COA1: variants seen among roughly 807,000 people sequenced by gnomAD.
COA1 encodes the protein cytochrome c oxidase assembly factor 1, also known as cytochrome c oxidase assembly factor 1 homolog.
Under a neutral mutation model 16.0 loss-of-function variants are expected in COA1, and 13 were observed. That is an observed-to-expected ratio of 0.81 (90% CI 0.53 to 1.29). The LOEUF is 1.29. Ranked by LOEUF, COA1 falls within the 50% of genes most tolerant of loss-of-function variation. The pLI is 0.00. For synonymous variants in COA1, 65 were observed against 65.7 expected (o/e 0.99, Z 0.05); for missense variants, 179 against 177.0 (o/e 1.01, Z -0.06).
At chr7:43,691,786 C>T (rs1287714555) in intron 1 of COA1, among the ~76,000 whole-genome samples, 2 of 152,176 alleles carry the variant, frequency 1.3e-5, no homozygotes, top group African/African-American at 4.8e-5. Flanking sequence ...CCTAGGAAGG[C>T]TATTCTGAAA....
In COA1 at chr7:43,647,583, CGT is replaced by C; in HGVS notation, c.65_66del (p.His22ArgfsTer64). 6.2e-7 allele frequency: 1 copy of C among 1,614,058 alleles called. No individual in the cohort carries two copies. Among genetic ancestry groups the C allele is most frequent in the East Asian group, 2.2e-5 (1 of 44,890 alleles). On this transcript the variant is annotated frameshift_variant, in exon 3 of 6. Coordinates refer to ENST00000223336, the MANE Select transcript of COA1 (RefSeq NM_018224.4). LOFTEE classifies it high-confidence loss of function. Reference protein sequence around the residue: ...SMPLGARILFHGVFYAGGFAI... With the variant: ...SMPLGARILFXGVFYAGGFAI... ...GCAAAGCCCCCGGCATAGAACACAC[CGT>C]GGAAAAGGATCCTTGCTCCCAGAGG...
At chr7:43,705,431 G>C (rs1017041033) in intron 1 of COA1, among the ~76,000 whole-genome samples, 9 of 152,196 alleles carry the variant, frequency 5.9e-5, no homozygotes, top group Admixed American at 1.3e-4. Flanking sequence ...GGACAGATAC[G>C]GTCTTATGGC....
chr7:43,633,174 T>A (rs1244510342), intron 6 of COA1: 1 of 152,234 alleles, frequency 6.6e-6, no homozygotes, highest in East Asian at 1.9e-4. Context: ...GTGTAGCCAC[T>A]TTCATCGATG....
intron 1 of COA1, among the ~76,000 whole-genome samples, chr7:43,725,907 C>T (rs2095608008): frequency 6.6e-6 from 1 of 150,792 alleles, no homozygotes. Flanking sequence ...CTACTACTGC[C>T]TTTTAACCAA....
chr7:43,617,546 T>A (rs1409999198), intron 6 of COA1, among the ~76,000 whole-genome samples: 1 of 152,026 alleles, frequency 6.6e-6, no homozygotes, highest in Non-Finnish European at 1.5e-5. Flanking sequence ...TGAGGGATGA[T>A]CATAGCATTC....
chr7:43,630,310 T>C (rs1419985970), intron 6 of COA1, among the ~76,000 whole-genome samples: 3 of 152,212 alleles, frequency 2.0e-5, no homozygotes, highest in Non-Finnish European at 4.4e-5. Flanking sequence ...TCCTTGCCAT[T>C]TTTATTGAAA....
intron 6 of COA1, among the ~76,000 whole-genome samples, chr7:43,613,776 C>T (rs1045605381): frequency 1.3e-5 from 2 of 152,044 alleles, no homozygotes; most frequent in African/African-American, 4.8e-5. Flanking sequence ...CTCAGGAGTT[C>T]GAGGCTGCAG....
At position 43,722,914 on chromosome 7, in the gene COA1, A is replaced by G. The variant is rs1400840328; in HGVS notation, c.-39+6515T>C. Among the ~76,000 whole-genome samples, 4 of 152,238 alleles carry G rather than the reference A, an allele frequency of 2.6e-5. No individual in the cohort carries two copies. The East Asian group carries it at 5.8e-4, about 22-fold the overall frequency. ...AAATGCCAAATGTCTTAAGGCACCA[A>G]GAGCCCACAAGATAAAAGATCACCA... On this transcript the variant is annotated intron_variant, in intron 1 of 5. Transcript: ENST00000223336.
chr7:43,652,741 C>A (rs570482544), intron 1 of COA1, among the ~76,000 whole-genome samples: 2 of 152,150 alleles, frequency 1.3e-5, no homozygotes, highest in African/African-American at 2.4e-5. Flanking sequence ...TACAAAATCA[C>A]TTAGAGACTA....
At chr7:43,620,941 G>A (rs2083824848) in intron 6 of COA1, among the ~76,000 whole-genome samples, 1 of 152,134 alleles carries the variant, frequency 6.6e-6, no homozygotes. Context: ...GAGGGTAGAA[G>A]TGTGAAGTGA....
Position 43,618,598 on chromosome 7 carries a change from T to TAAA in COA1, c.*134-9104_*134-9103insTTT, listed in dbSNP as rs1204242538. On this transcript the variant is annotated intron_variant and NMD_transcript_variant, in intron 6 of 6. Coordinates refer to the COA1 transcript ENST00000415076. Reference sequence around the variant, plus strand: ...GAAAACATTAAGTGAGGACCCTTTATAATGCAAGCACAAACTTTCCTTTCA... The same window carrying TAAA: ...GAAAACATTAAGTGAGGACCCTTTATAAAAATGCAAGCACAAACTTTCCTTTCA... Among the ~76,000 whole-genome samples, 4 of 152,376 alleles carry TAAA rather than the reference T, an allele frequency of 2.6e-5. No homozygotes were observed. The East Asian group carries it at 5.8e-4, about 22-fold the overall frequency.
intron 6 of COA1, among the ~76,000 whole-genome samples, chr7:43,615,772 C>T (rs890586151): frequency 1.3e-5 from 2 of 152,146 alleles, no homozygotes; most frequent in African/African-American, 2.4e-5. Context: ...CACAGCAGTA[C>T]GGCCTCTATA....
At chr7:43,675,620 A>G (rs1406174565) in intron 1 of COA1, among the ~76,000 whole-genome samples, 1 of 152,208 alleles carries the variant, frequency 6.6e-6, no homozygotes. Context: ...ATAAAAAAAG[A>G]GTAAGTGTAA....
In COA1 at chr7:43,612,692, C is replaced by T. The variant is rs146872182; in HGVS notation, c.*134-3197G>A. Among the ~76,000 whole-genome samples, 43 of 152,188 alleles carry T rather than the reference C, an allele frequency of 2.8e-4. No homozygotes were observed. The East Asian group carries it at 7.1e-3, about 25-fold the overall frequency. Reference sequence around the variant, plus strand: ...TTGCTTCTATTAAGGATATAATTGACGCTATGGGAAATACACTGCTTAGCT... The same window carrying T: ...TTGCTTCTATTAAGGATATAATTGATGCTATGGGAAATACACTGCTTAGCT... On this transcript the variant is annotated intron_variant and NMD_transcript_variant, in intron 6 of 6. Coordinates refer to the COA1 transcript ENST00000415076.
chr7:43,611,774 A>G (rs1264314364), intron 6 of COA1, among the ~76,000 whole-genome samples: 3 of 152,308 alleles, frequency 2.0e-5, no homozygotes, highest in Middle Eastern at 3.4e-3. Context: ...AAAATCGTGT[A>G]TCTGTTTTAT....
intron 1 of COA1, among the ~76,000 whole-genome samples, chr7:43,718,069 G>C (rs1039411235): frequency 1.1e-4 from 16 of 152,118 alleles, no homozygotes; most frequent in Admixed American, 4.6e-4. Flanking sequence ...TGTGAAAACG[G>C]ACTAATATAC....
chr7:43,692,807 C>T (rs1271336571), intron 1 of COA1, among the ~76,000 whole-genome samples: 1 of 152,034 alleles, frequency 6.6e-6, no homozygotes, highest in African/African-American at 2.4e-5. Context: ...TGTAAAGATG[C>T]CCCACCCCTC....
intron 3 of COA1, chr7:43,646,662 C>A (rs950939031): frequency 2.2e-6 from 1 of 456,016 alleles, no homozygotes; most frequent in Admixed American, 2.4e-5. Context: ...CTGCCCCTGT[C>A]CCTTTGGCAG....
At chr7:43,660,924 G>T (rs1377560481) in intron 1 of COA1, among the ~76,000 whole-genome samples, 2 of 152,048 alleles carry the variant, frequency 1.3e-5, no homozygotes. Context: ...TGCATTACAC[G>T]GTCTTACTGC....
Sources: gnomAD v4.1 joint callset for allele counts (sites outside exome capture counted in the v4.1 genomes callset) on GRCh38, gnomAD v4.1.1 for gene constraint, MANE v1.5 for transcripts, NCBI Gene and HGNC (gene_info 2026-07-23, HGNC 2026-07-21) for gene names.